The following LNPEP variants were observed in gnomAD, a reference collection of about 807,000 sequenced individuals.
LNPEP encodes leucyl and cystinyl aminopeptidase, also known as leucyl-cystinyl aminopeptidase.
Under a neutral mutation model 120.6 loss-of-function variants are expected in LNPEP, and 64 were observed. The observed-to-expected ratio is 0.53, with a 90% CI of 0.43 to 0.65. The LOEUF is 0.65. Among genes scored for constraint, LNPEP ranks in the 30% least tolerant of loss-of-function variants. The probability of loss-of-function intolerance (pLI) is 0.00; values close to 1 mark genes in which losing one functional copy is unlikely to be tolerated. For synonymous variants in LNPEP, 435 were observed against 425.4 expected (o/e 1.02, Z -0.28); for missense variants, 1,057 against 1,200.0 (o/e 0.88, Z 1.76).
Position 96,979,190 on chromosome 5 carries a change from A to G in LNPEP, c.72A>G (p.Glu24=). 6.2e-7 allele frequency: 1 copy of G among 1,613,740 alleles called. No homozygotes were observed. The highest frequency in any genetic ancestry group is 1.1e-5 in the South Asian group (1 of 91,046). ...TTGAAAACAGCATGTTTGAGGAAGAACCAGATGTGGTGGATTTAGCCAAAG... is the reference window on the plus strand; with the variant it reads ...TTGAAAACAGCATGTTTGAGGAAGAGCCAGATGTGGTGGATTTAGCCAAAG... The part of the protein sequence containing the change: ...NMIENSMFEE[E]PDVVDLAKEP... The change falls in exon 2 of 18, where the codon GAA becomes GAG. Residue 24 remains glutamate (E), a synonymous_variant. Coordinates refer to ENST00000231368, the MANE Select transcript of LNPEP (RefSeq NM_005575.3).
At chr5:96,963,579 A>G (rs2112584310) in intron 1 of LNPEP, among the ~76,000 whole-genome samples, 1 of 152,278 alleles carries the variant, frequency 6.6e-6, no homozygotes, top group South Asian at 2.1e-4. Flanking sequence ...GTAAAAGATA[A>G]ATGTTGAAAG....
intron 8 of LNPEP, among the ~76,000 whole-genome samples, chr5:97,000,574 A>G (rs1436756049): frequency 6.6e-6 from 1 of 152,160 alleles, no homozygotes; most frequent in Non-Finnish European, 1.5e-5. Context: ...CCCACAGTAA[A>G]CAGCCTGGGT....
At chr5:97,014,371 C>T (rs1376487116) in intron 12 of LNPEP, among the ~76,000 whole-genome samples, 2 of 152,164 alleles carry the variant, frequency 1.3e-5, no homozygotes, top group African/African-American at 2.4e-5. Context: ...CGTGTTCCTT[C>T]TCATCTCCCT....
intron 8 of LNPEP, among the ~76,000 whole-genome samples, chr5:96,999,561 A>C (rs1201925953): frequency 6.6e-6 from 1 of 152,140 alleles, no homozygotes; most frequent in African/African-American, 2.4e-5. Flanking sequence ...CAATAAAGAA[A>C]ATTTAAAACT....
At chr5:96,992,530 T>TAACTAACA (rs1790413151) in intron 4 of LNPEP, among the ~76,000 whole-genome samples, 1 of 152,138 alleles carries the variant, frequency 6.6e-6, no homozygotes, top group Admixed American at 6.6e-5. Context: ...ACTAACTCCA[T>TAACTAACA]CATAAGATGT....
chr5:97,016,488 T>C (rs1246944799), intron 13 of LNPEP, among the ~76,000 whole-genome samples: 1 of 152,132 alleles, frequency 6.6e-6, no homozygotes, highest in Non-Finnish European at 1.5e-5. Context: ...ACCTAGTAAG[T>C]GATAAAGCTG....
intron 4 of LNPEP, among the ~76,000 whole-genome samples, chr5:96,992,579 G>T (rs1039655130): frequency 6.6e-6 from 1 of 152,056 alleles, no homozygotes; most frequent in African/African-American, 2.4e-5. Context: ...TGCCAGGCAC[G>T]GTGAGGTCCT....
chr5:97,014,432 C>T (rs1042359619), intron 12 of LNPEP, among the ~76,000 whole-genome samples: 14 of 152,078 alleles, frequency 9.2e-5, no homozygotes, highest in African/African-American at 3.4e-4. Context: ...CTTACGTCAT[C>T]CTAGCCATTG....
At position 96,952,808 on chromosome 5, in the gene LNPEP, C is replaced by T. The variant is rs34913789; in HGVS notation, c.19+16634C>T. ...CCCCTCAACGAAAACATAATAGAGA[C>T]ACATCATTTAATTTCTCAGCCCTTT... On this transcript the variant is annotated intron_variant, in intron 1 of 17. Transcript: ENST00000231368. 5.7e-3 allele frequency among the ~76,000 whole-genome samples: 862 copies of T among 152,214 alleles called. 7 individuals are homozygous for T. The highest frequency in any genetic ancestry group is 8.2e-3 in the Non-Finnish European group (555 of 68,020).
chr5:97,026,673 T>C lies in LNPEP; in HGVS notation c.2780T>C (p.Ile927Thr). 1.9e-6 allele frequency: 3 copies of C among 1,613,150 alleles called. No homozygotes were observed. The highest frequency in any genetic ancestry group is 2.5e-6 in the Non-Finnish European group (3 of 1,179,102). The change falls in exon 16 of 18, where the codon ATC becomes ACC. Residue 927 changes from isoleucine to threonine, a missense_variant. Coordinates refer to ENST00000231368, the MANE Select transcript of LNPEP (RefSeq NM_005575.3). ...TTCCGAACACAGAAGCTGTCTTTTA[T>C]CATTAGAACAGTGGGTCGACATTTT... ...DNFRTQKLSF[I>T]IRTVGRHFPG...
At chr5:96,955,868 A>T (rs968230889) in intron 1 of LNPEP, among the ~76,000 whole-genome samples, 1 of 152,232 alleles carries the variant, frequency 6.6e-6, no homozygotes, top group Non-Finnish European at 1.5e-5. Flanking sequence ...AGAAACTGCT[A>T]AACTATCTTT....
intron 4 of LNPEP, among the ~76,000 whole-genome samples, chr5:96,990,242 A>C (rs1392272164): frequency 6.6e-6 from 1 of 152,246 alleles, no homozygotes; most frequent in Non-Finnish European, 1.5e-5. Context: ...TGACTTCTGT[A>C]GGGGAAAGAT....
chr5:96,991,521 A>G (rs1790388377), intron 4 of LNPEP, among the ~76,000 whole-genome samples: 1 of 152,134 alleles, frequency 6.6e-6, no homozygotes, highest in African/African-American at 2.4e-5. Context: ...GTAAGGTGGT[A>G]TCGCTTTGTG....
At chr5:97,002,953 T>C (rs1429255456) in intron 8 of LNPEP, among the ~76,000 whole-genome samples, 2 of 152,142 alleles carry the variant, frequency 1.3e-5, no homozygotes, top group Non-Finnish European at 2.9e-5. Context: ...AATAAGAAAT[T>C]AATGACCTAC....
At chr5:97,001,487 A>G (rs1332781307) in intron 8 of LNPEP, among the ~76,000 whole-genome samples, 2 of 152,206 alleles carry the variant, frequency 1.3e-5, no homozygotes, top group African/African-American at 4.8e-5. Context: ...GAGATACCAC[A>G]CAGGCAGTTG....
In LNPEP at chr5:96,993,924, G is replaced by C; in HGVS notation, c.1360G>C (p.Asp454His). The C allele has an allele frequency of 6.2e-7, 1 of 1,613,890 alleles. No homozygotes were observed. Among genetic ancestry groups the C allele is most frequent in the Non-Finnish European group, 8.5e-7 (1 of 1,179,824 alleles). ...LYDSNTSSMA[D>H]RKLVTKIIAH... Reference sequence around the variant, plus strand: ...TGACAGTAACACTTCTTCAATGGCGGATAGAAAGCTGGTGACTAAAATCAT... The same window carrying C: ...TGACAGTAACACTTCTTCAATGGCGCATAGAAAGCTGGTGACTAAAATCAT... The change falls in exon 6 of 18, where the codon GAT becomes CAT. Residue 454 changes from aspartate to histidine, a missense_variant. Coordinates refer to ENST00000231368, the MANE Select transcript of LNPEP (RefSeq NM_005575.3).
chr5:96,990,785 A>T (rs1182058764), intron 4 of LNPEP, among the ~76,000 whole-genome samples: 1 of 152,194 alleles, frequency 6.6e-6, no homozygotes, highest in Non-Finnish European at 1.5e-5. Flanking sequence ...TAAACATTCT[A>T]TATTGTTTAA....
chr5:97,007,412 T>A (rs899211028), intron 11 of LNPEP, among the ~76,000 whole-genome samples: 9 of 152,214 alleles, frequency 5.9e-5, no homozygotes, highest in South Asian at 2.1e-4. Flanking sequence ...ATAGTAATTA[T>A]ACTTACTTTA....
intron 15 of LNPEP, 21 bp downstream of exon 15, chr5:97,024,703 A>G (rs201434557): frequency 1.9e-6 from 3 of 1,605,634 alleles, no homozygotes; most frequent in Non-Finnish European, 2.6e-6. Flanking sequence ...ACCGAGGAAT[A>G]TGATATACAG....
Sources: gnomAD v4.1 joint callset for allele counts (sites outside exome capture counted in the v4.1 genomes callset) on GRCh38, gnomAD v4.1.1 for gene constraint, MANE v1.5 for transcripts, NCBI Gene and HGNC (gene_info 2026-07-23, HGNC 2026-07-21) for gene names.